Variants in ME3 observed in about 807,000 individuals in gnomAD.
The protein encoded by ME3 is malic enzyme 3, also known as NADP-dependent malic enzyme, mitochondrial.
In ME3, 48 loss-of-function variants were observed where a neutral mutation model predicts 68.9. The ratio of observed to expected loss-of-function variants is 0.70; its 90% CI spans 0.55 to 0.89. The LOEUF (loss-of-function observed/expected upper bound fraction) is 0.89, where lower values mean the gene tolerates loss of function less well. ME3 is among the 40% of genes least tolerant of loss of function. ME3 has a pLI of 0.00. For synonymous variants in ME3, 320 were observed against 318.8 expected, an observed-to-expected ratio of 1.00 and a Z score of -0.04; for missense variants, 675 against 797.4, an observed-to-expected ratio of 0.85 and a Z score of 1.85.
At chr11:86,638,703 T>G (rs1944491836) in intron 2 of ME3, among the ~76,000 whole-genome samples, 1 of 152,222 alleles carries the variant, frequency 6.6e-6, no homozygotes, top group Non-Finnish European at 1.5e-5. Flanking sequence ...TAATATCTCT[T>G]TTAATCCTCA....
chr11:86,440,390 T>C (rs1049295773), downstream of ME3, among the ~76,000 whole-genome samples: 4 of 152,136 alleles, frequency 2.6e-5, no homozygotes, highest in African/African-American at 9.7e-5. Flanking sequence ...CTGATATTAC[T>C]CACTAAGAAA....
intron 13 of ME3, 121 bp from the exon 14 acceptor site, chr11:86,443,040 A>C: frequency 3.0e-6 from 2 of 667,680 alleles, no homozygotes; most frequent in Non-Finnish European, 5.1e-6. Context: ...TGCAGTTCCA[A>C]CTGTTGACTC....
At chr11:86,654,619 G>A (rs934512910) in intron 2 of ME3, among the ~76,000 whole-genome samples, 2 of 152,166 alleles carry the variant, frequency 1.3e-5, no homozygotes, top group African/African-American at 4.8e-5. Flanking sequence ...AGCTGTCTAT[G>A]ACAAACCCAC....
At chr11:86,516,533 A>G (rs942594798) in intron 4 of ME3, among the ~76,000 whole-genome samples, 1 of 152,076 alleles carries the variant, frequency 6.6e-6, no homozygotes, top group Non-Finnish European at 1.5e-5. Flanking sequence ...GACTACAGGC[A>G]TGTGCCACTA....
Position 86,574,967 on chromosome 11 carries a change from C to T in ME3, c.184-15144G>A, listed in dbSNP as rs145669144. ...TCACTCCATTTTCTGTGAACACTGG[C>T]AGCTTGCAACCCTGACAGGTTGTCC... On this transcript the variant is annotated intron_variant, in intron 2 of 14. Transcript: ENST00000543262. Among the ~76,000 whole-genome samples the T allele has an allele frequency of 3.4e-5, 4 of 118,134 alleles. 2 individuals are homozygous for T. The highest frequency in any genetic ancestry group is 1.6e-4 in the African/African-American group (4 of 25,304). 77.5% of individuals were successfully genotyped at this position (118,134 alleles called of 152,430 possible).
At chr11:86,547,160 G>C (rs10751139) in intron 4 of ME3, among the ~76,000 whole-genome samples, 119,763 of 149,328 alleles carry the variant, frequency 0.8, 48,248 homozygotes, top group South Asian at 0.84. Flanking sequence ...ATGGTGTGAA[G>C]CCGGGAGGCA....
intron 8 of ME3, among the ~76,000 whole-genome samples, chr11:86,459,619 A>T (rs898898968): frequency 2.0e-5 from 3 of 152,340 alleles, no homozygotes; most frequent in Admixed American, 6.5e-5. Context: ...GTACTAGCTG[A>T]TGAGCAGTTG....
At chr11:86,435,762 C>T in the ME3 span, 1 of 152,244 alleles carries the variant, frequency 6.6e-6, no homozygotes, top group Admixed American at 6.5e-5. Context: ...ATAGCAGTTG[C>T]AACAGTAGCC....
chr11:86,436,475 A>C (rs1350966045), downstream of ME3: 3 of 121,856 alleles, frequency 2.5e-5, no homozygotes, highest in South Asian at 2.4e-4. Flanking sequence ...TTTCCCTCCC[A>C]AAAAAAAGTG....
chr11:86,560,748 G>GTATGTGTATATATATATATATATATATA (rs1957184106), intron 2 of ME3, among the ~76,000 whole-genome samples: 23 of 62,514 alleles, frequency 3.7e-4, no homozygotes, highest in African/African-American at 1.2e-3. Flanking sequence ...GTGTGTGTGT[G>GTATGTGTATATATATATATATATATATA]TATATATATA....
chr11:86,545,504 A>G (rs1956307599), intron 4 of ME3, among the ~76,000 whole-genome samples: 2 of 152,358 alleles, frequency 1.3e-5, no homozygotes, highest in South Asian at 4.1e-4. Flanking sequence ...AAAAATCACA[A>G]GCATTGCTAT....
exon 9 of ME3, chr11:86,450,389 G>C: frequency 6.2e-7 from 1 of 1,613,928 alleles, no homozygotes; most frequent in Non-Finnish European, 8.5e-7. Flanking sequence ...CACAGCAACG[G>C]AGGCTGTGCC....
At chr11:86,577,386 C>T (rs561640830) in intron 2 of ME3, among the ~76,000 whole-genome samples, 1 of 152,312 alleles carries the variant, frequency 6.6e-6, no homozygotes, top group African/African-American at 2.4e-5. Context: ...GGCTGCTTTC[C>T]TAAACACTGT....
intron 14 of ME3, among the ~76,000 whole-genome samples, chr11:86,441,662 C>T (rs1949003523): frequency 6.6e-6 from 1 of 152,162 alleles, no homozygotes; most frequent in African/African-American, 2.4e-5. Context: ...GGTCAAGAGG[C>T]TTCAGCATAA....
At chr11:86,515,986 G>T (rs1953873222) in intron 4 of ME3, among the ~76,000 whole-genome samples, 1 of 152,080 alleles carries the variant, frequency 6.6e-6, no homozygotes, top group Non-Finnish European at 1.5e-5. Context: ...TAAACATCCT[G>T]CAGTGAGTTA....
At chr11:86,437,391 G>C (rs982606618), downstream of ME3, 2 of 151,982 alleles carry the variant, frequency 1.3e-5, no homozygotes, top group African/African-American at 4.8e-5. Context: ...ATTTATAGTA[G>C]GTTCTTGACA....
chr11:86,583,844 C>T (rs539459913), intron 2 of ME3, among the ~76,000 whole-genome samples: 1 of 152,190 alleles, frequency 6.6e-6, no homozygotes, highest in Admixed American at 6.5e-5. Flanking sequence ...AAATGTAAGA[C>T]CTGAAACTAT....
chr11:86,482,192 T>C (rs663208), intron 7 of ME3, among the ~76,000 whole-genome samples: 43,976 of 152,074 alleles, frequency 0.29, 6,851 homozygotes, highest in Non-Finnish European at 0.33. Flanking sequence ...ACCAGAACTC[T>C]TCTTGAGCTC....
At chr11:86,455,716 T>C (rs545926073) in intron 8 of ME3, among the ~76,000 whole-genome samples, 1 of 152,292 alleles carries the variant, frequency 6.6e-6, no homozygotes, top group Non-Finnish European at 1.5e-5. Flanking sequence ...CAGCAAGACA[T>C]TCCTTGCTAC....
Sources: gnomAD v4.1 joint callset for allele counts (sites outside exome capture counted in the v4.1 genomes callset) on GRCh38, gnomAD v4.1.1 for gene constraint, MANE v1.5 for transcripts, NCBI Gene and HGNC (gene_info 2026-07-23, HGNC 2026-07-21) for gene names.